CDH18: variants seen among roughly 807,000 people sequenced by gnomAD.
The protein encoded by CDH18 is cadherin 18.
A neutral mutation model predicts 67.9 loss-of-function variants in CDH18; 31 were observed. The ratio of observed to expected loss-of-function variants is 0.46; its 90% CI spans 0.34 to 0.62. The LOEUF is 0.62. CDH18 is among the 20% of genes least tolerant of loss of function. CDH18 has a pLI of 0.01. For synonymous variants in CDH18, 362 were observed against 347.2 expected (o/e 1.04, Z -0.48); for missense variants, 890 against 975.5 (o/e 0.91, Z 1.17).
chr5:19,621,197 A>G (rs916585918), intron 5 of CDH18, among the ~76,000 whole-genome samples: 6 of 147,500 alleles, frequency 4.1e-5, no homozygotes, highest in Non-Finnish European at 8.9e-5. Flanking sequence ...CCTGTGGTTT[A>G]GCCTAAACAA....
intron 1 of CDH18, among the ~76,000 whole-genome samples, chr5:20,257,831 TG>T (rs965259069): frequency 2.6e-5 from 4 of 152,194 alleles, no homozygotes; most frequent in Admixed American, 2.6e-4. Context: ...GTGTGCCTAA[TG>T]TTTTAAAATG....
intron 3 of CDH18, among the ~76,000 whole-genome samples, chr5:19,837,416 A>T (rs529076444): frequency 0.01 from 1,560 of 151,268 alleles, 22 homozygotes; most frequent in African/African-American, 0.035. Flanking sequence ...AATTTTTTTA[A>T]AAAAAAAAGG....
At chr5:20,463,575 C>T (rs1280791740) in intron 1 of CDH18, among the ~76,000 whole-genome samples, 1 of 152,032 alleles carries the variant, frequency 6.6e-6, no homozygotes, top group East Asian at 1.9e-4. Flanking sequence ...CATCAGATCT[C>T]GTGAGAACTC....
intron 1 of CDH18, among the ~76,000 whole-genome samples, chr5:20,385,981 A>G (rs1005015126): frequency 1.3e-5 from 2 of 152,236 alleles, no homozygotes; most frequent in Non-Finnish European, 2.9e-5. Flanking sequence ...TGTAGTTGTT[A>G]CACATAATTT....
chr5:20,399,606 G>A (rs1478448502), intron 1 of CDH18, among the ~76,000 whole-genome samples: 1 of 152,062 alleles, frequency 6.6e-6, no homozygotes, highest in Non-Finnish European at 1.5e-5. Flanking sequence ...TTTATAAAAT[G>A]GAGTTAATTG....
intron 10 of CDH18, among the ~76,000 whole-genome samples, chr5:19,511,884 G>A (rs182896518): frequency 2.6e-5 from 4 of 152,218 alleles, no homozygotes; most frequent in East Asian, 3.9e-4. Context: ...TGTAAGTATC[G>A]AGGAGCCAAA....
At chr5:20,488,027 T>C (rs35773719) in intron 1 of CDH18, among the ~76,000 whole-genome samples, 23,343 of 152,114 alleles carry the variant, frequency 0.15, 2,415 homozygotes, top group Non-Finnish European at 0.23. Flanking sequence ...TTGGCTGTCC[T>C]GCCTGTCATT....
intron 2 of CDH18, among the ~76,000 whole-genome samples, chr5:20,069,973 G>A (rs527365738): frequency 1.3e-5 from 2 of 152,158 alleles, no homozygotes; most frequent in South Asian, 4.1e-4. Flanking sequence ...TATGGGTGTG[G>A]GCAGAGATAC....
intron 2 of CDH18, among the ~76,000 whole-genome samples, chr5:20,087,782 T>C (rs1002977990): frequency 1.3e-5 from 2 of 152,210 alleles, no homozygotes; most frequent in Non-Finnish European, 2.9e-5. Flanking sequence ...AAATAATTTT[T>C]GTGGCTTGCT....
At chr5:20,368,041 A>C (rs1000080366) in intron 1 of CDH18, among the ~76,000 whole-genome samples, 3 of 152,132 alleles carry the variant, frequency 2.0e-5, no homozygotes, top group African/African-American at 7.2e-5. Context: ...TCCACTGTGC[A>C]AAAAAAGGAT....
chr5:19,553,455 C>T (rs1737812918), intron 8 of CDH18, among the ~76,000 whole-genome samples: 2 of 151,526 alleles, frequency 1.3e-5, no homozygotes, highest in African/African-American at 4.8e-5. Context: ...TAGAAGACCT[C>T]TTTCAGTTGT....
chr5:20,105,977 A>G (rs1177899215), intron 2 of CDH18, among the ~76,000 whole-genome samples: 1 of 152,086 alleles, frequency 6.6e-6, no homozygotes, highest in African/African-American at 2.4e-5. Flanking sequence ...GTAAATAGGT[A>G]GCTGTATTTT....
At chr5:19,630,133 G>A (rs149669153) in intron 5 of CDH18, among the ~76,000 whole-genome samples, 2 of 151,906 alleles carry the variant, frequency 1.3e-5, no homozygotes, top group Non-Finnish European at 2.9e-5. Context: ...GTAGAGACAG[G>A]GTTTCTCCAT....
intron 1 of CDH18, among the ~76,000 whole-genome samples, chr5:20,293,917 A>T (rs1245821055): frequency 6.6e-6 from 1 of 152,198 alleles, no homozygotes; most frequent in African/African-American, 2.4e-5. Flanking sequence ...GTTGATTTAT[A>T]GTATTTGGGG....
At chr5:20,058,723 G>T (rs1742207725) in intron 2 of CDH18, among the ~76,000 whole-genome samples, 1 of 152,138 alleles carries the variant, frequency 6.6e-6, no homozygotes, top group Admixed American at 6.5e-5. Context: ...GTAAATAATT[G>T]TGATGTGAAT....
At chr5:19,836,741 C>G (rs1781688159) in intron 3 of CDH18, among the ~76,000 whole-genome samples, 1 of 152,068 alleles carries the variant, frequency 6.6e-6, no homozygotes, top group African/African-American at 2.4e-5. Context: ...GAAGTCTTTG[C>G]CCACGCCTAC....
intron 1 of CDH18, among the ~76,000 whole-genome samples, chr5:20,353,637 A>C (rs575890721): frequency 6.6e-6 from 1 of 152,216 alleles, no homozygotes; most frequent in South Asian, 2.1e-4. Context: ...GTGCTTCCTC[A>C]TGTTTTGTCC....
At chr5:19,576,576 TC>T (rs1314379159) in intron 7 of CDH18, among the ~76,000 whole-genome samples, 1 of 152,080 alleles carries the variant, frequency 6.6e-6, no homozygotes, top group African/African-American at 2.4e-5. Context: ...GTGGCTATCA[TC>T]AAAAACATGA....
rs549746493 is a variant in CDH18 at position 20,463,903 on chromosome 5, G to T, written c.-580+111559C>A. Reference sequence around the variant, plus strand: ...GAATATGTCTTATTACATAAGAAAGGCCAGCCAGAGGACATGCTGATAGGT... The same window carrying T: ...GAATATGTCTTATTACATAAGAAAGTCCAGCCAGAGGACATGCTGATAGGT... On this transcript the variant is annotated intron_variant, in intron 1 of 14. Transcript: ENST00000507958. Among the ~76,000 whole-genome samples, 10 of 152,214 alleles carry T rather than the reference G, an allele frequency of 6.6e-5. No homozygotes were observed. The South Asian group carries it at 1.0e-3, about 16-fold the overall frequency.
Sources: allele counts gnomAD v4.1 joint callset (sites outside exome capture counted in the v4.1 genomes callset), GRCh38; gene constraint gnomAD v4.1.1; transcripts MANE v1.5; gene names NCBI Gene and HGNC (gene_info 2026-07-23, HGNC 2026-07-21).